Variants in HSF2BP observed in about 807,000 individuals in gnomAD.
The protein encoded by HSF2BP is heat shock transcription factor 2 binding protein.
Under a neutral mutation model 35.0 loss-of-function variants are expected in HSF2BP, and 35 were observed. That is an observed-to-expected ratio of 1.00 (90% confidence interval 0.76 to 1.32). The LOEUF is 1.32. HSF2BP is among the 40% of genes most tolerant of loss of function. The probability of loss-of-function intolerance (pLI) is 0.00; values close to 1 mark genes in which losing one functional copy is unlikely to be tolerated. For missense variants in HSF2BP, 326 were observed against 321.7 expected, an observed-to-expected ratio of 1.01 and a Z score of -0.10; for synonymous variants, 114 against 117.4, an observed-to-expected ratio of 0.97 and a Z score of 0.18.
In HSF2BP at chr21:43,656,708, T is replaced by C; in HGVS notation, c.66A>G (p.Lys22=). Reference sequence around the variant, plus strand: ...GCCGTTCCAGATCCTTCTTTCTGACTTTAACAAATTCCTCTTTAGTTCCCA... The same window carrying C: ...GCCGTTCCAGATCCTTCTTTCTGACCTTAACAAATTCCTCTTTAGTTCCCA... ...RHMGTKEEFV[K]VRKKDLERLT... is the part of the protein sequence containing the mutation. Residue 22 remains lysine (K), a synonymous_variant, in exon 3 of 9, where the codon AAA becomes AAG. Coordinates refer to ENST00000291560, the MANE Select transcript of HSF2BP (RefSeq NM_007031.2). 2 of 1,613,922 alleles carry C rather than the reference T, an allele frequency of 1.2e-6. No homozygotes were observed. The highest frequency in any genetic ancestry group is 1.7e-6 in the Non-Finnish European group (2 of 1,179,938).
chr21:43,630,251 T>C (rs1221093691), intron 6 of HSF2BP, 71 bp downstream of exon 6: 3 of 1,313,972 alleles, frequency 2.3e-6, no homozygotes, highest in African/African-American at 1.5e-5. Context: ...TCATGTATTA[T>C]TGCAGTATTT....
At chr21:43,606,615 C>A (rs1442444327) in intron 7 of HSF2BP, among the ~76,000 whole-genome samples, 1 of 152,000 alleles carries the variant, frequency 6.6e-6, no homozygotes, top group East Asian at 1.9e-4. Context: ...AAGGGCACAG[C>A]AAATCTTGGG....
At chr21:43,644,913 A>G (rs1403463986) in intron 3 of HSF2BP, among the ~76,000 whole-genome samples, 1 of 152,204 alleles carries the variant, frequency 6.6e-6, no homozygotes, top group Non-Finnish European at 1.5e-5. Flanking sequence ...TGCTATAGTG[A>G]AAGAGTGGAA....
At position 43,659,477 on chromosome 21, in the gene HSF2BP, A is replaced by T. The variant is rs944707641; in HGVS notation, c.-316T>A. ...GGCCGCTCCGCCAGCTGCCAGGGCCACTGCCGCGCTCACTCCCAGAGCGCG... is the reference window on the plus strand; with the variant it reads ...GGCCGCTCCGCCAGCTGCCAGGGCCTCTGCCGCGCTCACTCCCAGAGCGCG... On this transcript the variant is annotated 5_prime_UTR_variant, in exon 1 of 9. Coordinates refer to ENST00000291560, the MANE Select transcript of HSF2BP (RefSeq NM_007031.2). This position sits in a 1 kb window ranked among gnomAD's most constrained non-coding sequence, Gnocchi z 4.2. The T allele has an allele frequency of 2.3e-6, 1 of 443,686 alleles. No individual in the cohort carries two copies. The highest frequency in any genetic ancestry group is 3.3e-6 in the Non-Finnish European group (1 of 304,962). The allele number at this position is 443,686 out of a possible 1,614,324, so 27.5% of individuals were successfully genotyped here.
At chr21:43,651,430 C>T (rs1431987047) in intron 3 of HSF2BP, among the ~76,000 whole-genome samples, 3 of 152,096 alleles carry the variant, frequency 2.0e-5, no homozygotes, top group African/African-American at 7.2e-5. Flanking sequence ...CATACAGCCA[C>T]AGTCCCACAC....
chr21:43,654,909 A>G (rs1382426325), intron 3 of HSF2BP, among the ~76,000 whole-genome samples: 1 of 152,228 alleles, frequency 6.6e-6, no homozygotes, highest in Non-Finnish European at 1.5e-5. Context: ...GATAAATTTC[A>G]GCAAAGGGGA....
chr21:43,630,562 A>G, intron 5 of HSF2BP, 108 bp from the exon 6 acceptor site: 1 of 1,315,442 alleles, frequency 7.6e-7, no homozygotes, highest in South Asian at 1.6e-5. Context: ...AGAATATTGT[A>G]AAATCTATTC....
intron 3 of HSF2BP, among the ~76,000 whole-genome samples, chr21:43,651,276 T>C (rs141787139): frequency 6.6e-6 from 1 of 152,308 alleles, no homozygotes; most frequent in Non-Finnish European, 1.5e-5. Flanking sequence ...GAGGTAAGCA[T>C]TACTGTCCAC....
intron 8 of HSF2BP, among the ~76,000 whole-genome samples, chr21:43,590,153 A>G (rs1251586553): frequency 6.6e-6 from 1 of 152,252 alleles, no homozygotes; most frequent in Non-Finnish European, 1.5e-5. Context: ...CCGAATACAT[A>G]AAGAACTCTC....
intron 3 of HSF2BP, among the ~76,000 whole-genome samples, chr21:43,646,444 CA>C (rs1568940443): frequency 6.6e-6 from 1 of 152,112 alleles, no homozygotes; most frequent in African/African-American, 2.4e-5. Flanking sequence ...CAAAAATGAA[CA>C]AACTGAAAAA....
chr21:43,580,496 A>G (rs1351447840), intron 8 of HSF2BP, among the ~76,000 whole-genome samples: 1 of 152,266 alleles, frequency 6.6e-6, no homozygotes, highest in Non-Finnish European at 1.5e-5. Context: ...TCATGTAAGC[A>G]TTGATTAATC....
intron 7 of HSF2BP, among the ~76,000 whole-genome samples, chr21:43,600,658 T>G (rs1428168187): frequency 6.6e-6 from 1 of 152,234 alleles, no homozygotes; most frequent in Non-Finnish European, 1.5e-5. Context: ...CTATATCATG[T>G]CATCCTCAAA....
intron 8 of HSF2BP, 135 bp downstream of exon 8, chr21:43,592,090 T>C (rs758516359): frequency 4.6e-5 from 26 of 570,426 alleles, no homozygotes; most frequent in Non-Finnish European, 7.7e-5. Flanking sequence ...TTTAAAAATA[T>C]AGTATATAGA....
At chr21:43,642,861 A>G (rs1301516222) in intron 4 of HSF2BP, among the ~76,000 whole-genome samples, 2 of 131,814 alleles carry the variant, frequency 1.5e-5, no homozygotes, top group Admixed American at 9.1e-5. Context: ...GTGCAGTGGC[A>G]CGATTTCGGC....
intron 8 of HSF2BP, among the ~76,000 whole-genome samples, chr21:43,585,984 G>A (rs2081845553): frequency 6.6e-6 from 1 of 152,186 alleles, no homozygotes; most frequent in Non-Finnish European, 1.5e-5. Flanking sequence ...TGGGCTGAAG[G>A]CACAAATCTG....
At chr21:43,579,079 T>C (rs2081685524) in intron 8 of HSF2BP, among the ~76,000 whole-genome samples, 1 of 152,212 alleles carries the variant, frequency 6.6e-6, no homozygotes, top group African/African-American at 2.4e-5. Context: ...TTTCATCTCC[T>C]AAAGGGTTTC....
At chr21:43,651,016 A>G (rs1011695212) in intron 3 of HSF2BP, among the ~76,000 whole-genome samples, 8 of 152,050 alleles carry the variant, frequency 5.3e-5, no homozygotes, top group South Asian at 4.1e-4. Context: ...CCCGGTTTAC[A>G]TCTCTTGCAA....
At chr21:43,642,185 A>G (rs1018730291) in intron 4 of HSF2BP, among the ~76,000 whole-genome samples, 5 of 152,082 alleles carry the variant, frequency 3.3e-5, no homozygotes, top group Non-Finnish European at 7.4e-5. Context: ...TTGTTCTTGT[A>G]AAAAATAAAA....
intron 8 of HSF2BP, among the ~76,000 whole-genome samples, 159 bp downstream of exon 8, chr21:43,592,066 C>T (rs989416922): frequency 1.3e-5 from 2 of 152,182 alleles, no homozygotes; most frequent in Non-Finnish European, 1.5e-5. Flanking sequence ...ACTTTACATA[C>T]AGATGTATGA....
Sources: gnomAD v4.1 joint callset for allele counts (sites outside exome capture counted in the v4.1 genomes callset) on GRCh38, gnomAD v4.1.1 for gene constraint, Gnocchi (gnomAD v3.1) non-coding constraint, MANE v1.5 for transcripts, NCBI Gene and HGNC (gene_info 2026-07-23, HGNC 2026-07-21) for gene names.